Variants in PARP4 observed in about 807,000 individuals in gnomAD.
PARP4 encodes the protein protein mono-ADP-ribosyltransferase PARP4.
A neutral mutation model predicts 187.7 loss-of-function variants in PARP4; 120 were observed. That is an observed-to-expected ratio of 0.64 (90% CI 0.55 to 0.74). The LOEUF (loss-of-function observed/expected upper bound fraction) is 0.74. Ranked by LOEUF, PARP4 falls within the 30% of genes least tolerant of loss-of-function variation. PARP4 has a pLI of 0.00. For synonymous variants in PARP4, 654 were observed against 740.9 expected (o/e 0.88, Z 1.90); for missense variants, 1,836 against 2,070.5 (o/e 0.89, Z 2.20).
chr13:24,501,875 A>G (rs1243864195), intron 2 of PARP4, 41 bp from the exon 3 acceptor site: 1 of 1,108,400 alleles, frequency 9.0e-7, no homozygotes, highest in Non-Finnish European at 1.4e-6. Context: ...ATCAAGAAAA[A>G]CAACATTTAA....
At chr13:24,465,347 G>A (rs9511287) in intron 17 of PARP4, among the ~76,000 whole-genome samples, 77,350 of 151,924 alleles carry the variant, frequency 0.51, 20,018 homozygotes, top group South Asian at 0.65. Flanking sequence ...GTGTATGTTC[G>A]TTGCAGCACT....
Position 24,493,458 on chromosome 13 carries a change from G to T in PARP4, c.879+138C>A. The T allele has an allele frequency of 1.3e-6, 1 of 759,264 alleles. No individual in the cohort carries two copies. Among genetic ancestry groups the T allele is most frequent in the East Asian group, 2.8e-5 (1 of 35,844 alleles). 47.0% of individuals were successfully genotyped at this position (759,264 alleles called of 1,614,324 possible). Reference sequence around the variant, plus strand: ...GTGCTGTTAGTGGTCTCTTTCTTCAGTACCGGTACAAGGAAAGAACATTTA... The same window carrying T: ...GTGCTGTTAGTGGTCTCTTTCTTCATTACCGGTACAAGGAAAGAACATTTA... On this transcript the variant is annotated intron_variant, in intron 8 of 33. Transcript: ENST00000381989.
intron 15 of PARP4, 143 bp from the exon 16 acceptor site, chr13:24,470,168 T>G: frequency 1.4e-6 from 1 of 708,936 alleles, no homozygotes; most frequent in Non-Finnish European, 2.3e-6. Context: ...AACCCTGGCT[T>G]CACTTCTGCA....
At chr13:24,450,392 T>G (rs1171551803) in intron 24 of PARP4, among the ~76,000 whole-genome samples, 1 of 150,668 alleles carries the variant, frequency 6.6e-6, no homozygotes, top group Non-Finnish European at 1.5e-5. Flanking sequence ...TCCTGAAATA[T>G]TAAAGAAAAC....
At chr13:24,512,049 T>C (rs1057194483) in intron 1 of PARP4, among the ~76,000 whole-genome samples, 1 of 152,172 alleles carries the variant, frequency 6.6e-6, no homozygotes, top group Non-Finnish European at 1.5e-5. Flanking sequence ...AGCACTATGC[T>C]TGGATATTGT....
At chr13:24,506,231 G>A (rs946226159) in intron 1 of PARP4, among the ~76,000 whole-genome samples, 10 of 151,990 alleles carry the variant, frequency 6.6e-5, no homozygotes, top group East Asian at 1.9e-4. Context: ...GGCGCATCCA[G>A]AGTTTGTCCG....
rs531291969 is a variant in PARP4 at position 24,508,561 on chromosome 13, G to A, written c.-2+4145C>T. On this transcript the variant is annotated intron_variant, in intron 1 of 33. Transcript: ENST00000381989. ...ACAGTCTCGCTTTTGTCACTTAGGC[G>A]GAAGTGCAGTGGTGAGACCTCGGCT... Among the ~76,000 whole-genome samples the A allele has an allele frequency of 7.9e-5, 12 of 152,242 alleles. No homozygotes were observed. The East Asian group carries it at 9.6e-4, about 12-fold the overall frequency.
intron 1 of PARP4, among the ~76,000 whole-genome samples, chr13:24,505,357 C>A (rs1054034346): frequency 6.6e-6 from 1 of 151,724 alleles, no homozygotes; most frequent in African/African-American, 2.4e-5. Flanking sequence ...TGCAAGATAT[C>A]GATAAGATGT....
Position 24,449,820 on chromosome 13 carries a change from G to C in PARP4, c.3015-3C>G, listed in dbSNP as rs563653706. 1.3e-6 allele frequency: 2 copies of C among 1,551,840 alleles called. No individual in the cohort carries two copies. The highest frequency in any genetic ancestry group is 2.7e-5 in the African/African-American group (2 of 73,252). On this transcript the variant is annotated splice_polypyrimidine_tract_variant and splice_region_variant and intron_variant, in intron 24 of 33. Transcript: ENST00000381989. Reference sequence around the variant, plus strand: ...AGACGTGACGATTTGCTGTAGAACTGATCACATTTCACATGTTTTAATTTT... The same window carrying C: ...AGACGTGACGATTTGCTGTAGAACTCATCACATTTCACATGTTTTAATTTT...
At chr13:24,474,693 T>C (rs1872894944) in intron 15 of PARP4, among the ~76,000 whole-genome samples, 1 of 152,164 alleles carries the variant, frequency 6.6e-6, no homozygotes, top group African/African-American at 2.4e-5. Flanking sequence ...CAGAGTCTGC[T>C]TTCTAGGGAA....
chr13:24,496,518 G>A (rs762520470), intron 6 of PARP4, among the ~76,000 whole-genome samples: 19 of 152,124 alleles, frequency 1.2e-4, no homozygotes, highest in Non-Finnish European at 2.8e-4. Flanking sequence ...GTCCCTTGAG[G>A]GCATCTGGAA....
chr13:24,427,464 G>T (rs1359943135), intron 32 of PARP4, among the ~76,000 whole-genome samples: 1 of 147,128 alleles, frequency 6.8e-6, no homozygotes, highest in Non-Finnish European at 1.5e-5. Flanking sequence ...CCCAACTCCT[G>T]GACTCAAGTG....
rs553195979 is a variant in PARP4, at chr13:24,476,554, T to A, written c.1790-958A>T. On this transcript the variant is annotated intron_variant, in intron 14 of 33. Transcript: ENST00000381989. ...GGCAGCATATTGAAAAATGTACACATCCTATTCTAAGTGGCACAAACATAC... is the reference window on the plus strand; with the variant it reads ...GGCAGCATATTGAAAAATGTACACAACCTATTCTAAGTGGCACAAACATAC... Among the ~76,000 whole-genome samples the A allele has an allele frequency of 2.0e-5, 3 of 152,114 alleles. No individual in the cohort carries two copies. The South Asian group carries it at 6.2e-4, about 31-fold the overall frequency.
At chr13:24,435,563 C>T in intron 30 of PARP4, 89 bp from the exon 31 acceptor site, 1 of 1,359,796 alleles carries the variant, frequency 7.4e-7, no homozygotes, top group African/African-American at 1.5e-5. Context: ...ACTTGACTTC[C>T]CACCCATCAG....
chr13:24,486,640 TCAA>T (rs1307981580), intron 10 of PARP4, among the ~76,000 whole-genome samples: 1 of 152,130 alleles, frequency 6.6e-6, no homozygotes, highest in African/African-American at 2.4e-5. Flanking sequence ...ACCATGTCTT[TCAA>T]CAACAATAAA....
intron 12 of PARP4, among the ~76,000 whole-genome samples, chr13:24,481,984 C>CT (rs1328503051): frequency 6.6e-6 from 1 of 152,206 alleles, no homozygotes; most frequent in Non-Finnish European, 1.5e-5. Context: ...TCTCCTTGCC[C>CT]TTAAGAGCAT....
At chr13:24,499,004 TG>T (rs1869117985) in intron 5 of PARP4, among the ~76,000 whole-genome samples, 1 of 152,160 alleles carries the variant, frequency 6.6e-6, no homozygotes. Context: ...TTTTCTTGAC[TG>T]TTAAAAATCA....
chr13:24,461,239 T>C (rs997538385), intron 17 of PARP4, among the ~76,000 whole-genome samples: 1 of 152,170 alleles, frequency 6.6e-6, no homozygotes, highest in African/African-American at 2.4e-5. Flanking sequence ...AGACATCCAT[T>C]TACAGGATGG....
chr13:24,434,802 G>A lies in PARP4; in HGVS notation c.4339C>T (p.Pro1447Ser). ...LHFSLPTDPD[P>S]IRGFGSYHPS... ...TGATAAGACCCAAAACCTCTGATGG[G>A]ATCAGGGTCTGTAGGAAGAGAGAAA... The change falls in exon 31 of 34, where the codon CCC becomes TCC. Residue 1447 changes from proline to serine, a missense_variant. Pro to Ser is a moderately conservative substitution (Grantham distance 74). This residue lies in a region of PARP4 where 450 missense variants were observed against 439.2 expected (regional missense o/e 1.02). Coordinates refer to ENST00000381989, the MANE Select transcript of PARP4 (RefSeq NM_006437.4). The A allele has an allele frequency of 1.9e-6, 3 of 1,612,620 alleles. No homozygotes were observed. The highest frequency in any genetic ancestry group is 2.5e-6 in the Non-Finnish European group (3 of 1,179,256).
Sources: gnomAD v4.1 joint callset for allele counts (sites outside exome capture counted in the v4.1 genomes callset) on GRCh38, gnomAD v4.1.1 for gene constraint, gnomAD v4.1.1 regional missense constraint, MANE v1.5 for transcripts, NCBI Gene and HGNC (gene_info 2026-07-23, HGNC 2026-07-21) for gene names.